Variants in NCAM2 observed in about 807,000 individuals in gnomAD.
NCAM2 encodes neural cell adhesion molecule 2.
A neutral mutation model predicts 98.1 loss-of-function variants in NCAM2; 30 were observed. That is an observed-to-expected ratio of 0.31 (90% CI 0.23 to 0.41). The LOEUF is 0.41. Ranked by LOEUF, NCAM2 falls within the 10% of genes least tolerant of loss-of-function variation. The pLI is 1.00. For missense variants in NCAM2, 867 were observed against 1,005.8 expected (o/e 0.86, Z 1.87); for synonymous variants, 368 against 342.4 (o/e 1.07, Z -0.83).
At chr21:21,445,907 G>C (rs1980057668) in intron 12 of NCAM2, among the ~76,000 whole-genome samples, 1 of 152,120 alleles carries the variant, frequency 6.6e-6, no homozygotes, top group Non-Finnish European at 1.5e-5. Flanking sequence ...CAAACTAGTT[G>C]ATGCAGTTTC....
At chr21:21,488,819 G>A (rs233767) in intron 15 of NCAM2, among the ~76,000 whole-genome samples, 14,956 of 151,714 alleles carry the variant, frequency 0.099, 2,435 homozygotes, top group African/African-American at 0.34. Context: ...GTAGTATTAT[G>A]ATTTCACTCA....
intron 16 of NCAM2, among the ~76,000 whole-genome samples, chr21:21,519,268 G>T (rs1185554355): frequency 6.6e-6 from 1 of 152,138 alleles, no homozygotes; most frequent in Non-Finnish European, 1.5e-5. Context: ...ATTGTGTGAA[G>T]AATGGGTTAT....
chr21:21,278,603 A>G (rs934970583), intron 1 of NCAM2, among the ~76,000 whole-genome samples: 1 of 152,136 alleles, frequency 6.6e-6, no homozygotes, highest in Admixed American at 6.6e-5. Context: ...TTGAGCCTCT[A>G]TAATATCACA....
intron 1 of NCAM2, among the ~76,000 whole-genome samples, chr21:21,277,182 A>C (rs1211978783): frequency 6.6e-6 from 1 of 152,138 alleles, no homozygotes; most frequent in East Asian, 1.9e-4. Flanking sequence ...TTGTCAATAC[A>C]GTCGGTGTTC....
intron 10 of NCAM2, among the ~76,000 whole-genome samples, 171 bp downstream of exon 10, chr21:21,410,632 G>A (rs558638177): frequency 6.6e-6 from 1 of 152,034 alleles, no homozygotes; most frequent in East Asian, 1.9e-4. Context: ...TTAATGATGA[G>A]TGTATGAATG....
At chr21:21,288,256 A>ATG (rs1226681374) in intron 4 of NCAM2, among the ~76,000 whole-genome samples, 1 of 151,936 alleles carries the variant, frequency 6.6e-6, no homozygotes, top group African/African-American at 2.4e-5. Flanking sequence ...GAATCCACGA[A>ATG]TGTGGAATCC....
At chr21:21,327,362 T>C (rs1015630846) in intron 6 of NCAM2, among the ~76,000 whole-genome samples, 3 of 151,162 alleles carry the variant, frequency 2.0e-5, no homozygotes, top group East Asian at 3.9e-4. Context: ...ACACTAGATG[T>C]TTAAGATCAA....
At chr21:21,151,656 A>G (rs2067452128) in intron 1 of NCAM2, among the ~76,000 whole-genome samples, 1 of 151,994 alleles carries the variant, frequency 6.6e-6, no homozygotes, top group African/African-American at 2.4e-5. Flanking sequence ...GATTCTTATT[A>G]TTTGAAATGA....
At chr21:21,402,053 A>G (rs1039107333) in intron 9 of NCAM2, among the ~76,000 whole-genome samples, 2 of 152,192 alleles carry the variant, frequency 1.3e-5, no homozygotes, top group Non-Finnish European at 2.9e-5. Context: ...TAACTGTACA[A>G]ATTGATTGTA....
chr21:21,236,254 G>A lies in NCAM2; in HGVS notation c.56-44324G>A, dbSNP rs551137644. On this transcript the variant is annotated intron_variant, in intron 1 of 17. Transcript: ENST00000400546. ...ATTGATCATAATCATAAATATAATA[G>A]AGTAATTTCTGCTAACTTATAGTTT... Among the ~76,000 whole-genome samples, 4 of 151,974 alleles carry A rather than the reference G, an allele frequency of 2.6e-5. No individual in the cohort carries two copies. In the South Asian group the frequency reaches 8.3e-4, roughly 32 times the overall value.
intron 1 of NCAM2, among the ~76,000 whole-genome samples, chr21:21,001,246 GTTTAC>G (rs1327596586): frequency 6.6e-6 from 1 of 152,166 alleles, no homozygotes; most frequent in Non-Finnish European, 1.5e-5. Flanking sequence ...AGGCCTAATA[GTTTAC>G]TTGTAACTCT....
chr21:21,118,298 C>G (rs929479392), intron 1 of NCAM2, among the ~76,000 whole-genome samples: 1 of 152,106 alleles, frequency 6.6e-6, no homozygotes, highest in African/African-American at 2.4e-5. Context: ...CCTGTCCTAA[C>G]GAGTTATTTA....
chr21:21,452,763 A>G (rs1311213797), intron 12 of NCAM2, among the ~76,000 whole-genome samples: 1 of 100,578 alleles, frequency 9.9e-6, no homozygotes, highest in East Asian at 2.9e-4. Context: ...ATATTACTTT[A>G]TGTATTAAAA....
At chr21:21,345,680 A>G (rs2075168535) in intron 8 of NCAM2, among the ~76,000 whole-genome samples, 1 of 152,158 alleles carries the variant, frequency 6.6e-6, no homozygotes, top group Non-Finnish European at 1.5e-5. Context: ...ATAGAGAAAG[A>G]GATAGGTGTA....
intron 1 of NCAM2, among the ~76,000 whole-genome samples, chr21:21,279,036 A>G (rs1296650796): frequency 6.6e-6 from 1 of 152,168 alleles, no homozygotes; most frequent in Non-Finnish European, 1.5e-5. Flanking sequence ...CCTCATTTAT[A>G]CAACTATTGG....
chr21:21,176,871 A>C (rs918137579), intron 1 of NCAM2, among the ~76,000 whole-genome samples: 4 of 151,908 alleles, frequency 2.6e-5, no homozygotes, highest in Non-Finnish European at 5.9e-5. Flanking sequence ...TGTTGATGGA[A>C]TAGTTAAAAA....
chr21:21,258,847 G>A (rs2071776424), intron 1 of NCAM2, among the ~76,000 whole-genome samples: 1 of 152,108 alleles, frequency 6.6e-6, no homozygotes, highest in African/African-American at 2.4e-5. Context: ...CTGCGGAGCT[G>A]CAGGACCCCT....
At chr21:21,186,955 C>T (rs1267246369) in intron 1 of NCAM2, among the ~76,000 whole-genome samples, 6 of 152,064 alleles carry the variant, frequency 3.9e-5, no homozygotes, top group South Asian at 4.1e-4. Flanking sequence ...TGAGGCTGGG[C>T]GCAGTGGCTT....
rs78278772 is a variant in NCAM2, at chr21:21,186,095, GT to G, written c.56-94475del. Reference sequence around the variant, plus strand: ...GAAGTAACTTTATAATGCATGAGGGGTTTTTTTTGTTGTTAGAGGAGCATTA... The same window carrying G: ...GAAGTAACTTTATAATGCATGAGGGGTTTTTTTGTTGTTAGAGGAGCATTA... On this transcript the variant is annotated intron_variant, in intron 1 of 17. Coordinates refer to ENST00000400546, the MANE Select transcript of NCAM2 (RefSeq NM_004540.5). Among the ~76,000 whole-genome samples the G allele has an allele frequency of 8.4e-4, 128 of 151,658 alleles. 1 individual carries two copies. The highest frequency in any genetic ancestry group is 3.0e-3 in the African/African-American group (124 of 41,348).
Sources: allele counts gnomAD v4.1 joint callset (sites outside exome capture counted in the v4.1 genomes callset), GRCh38; gene constraint gnomAD v4.1.1; transcripts MANE v1.5; gene names NCBI Gene and HGNC (gene_info 2026-07-23, HGNC 2026-07-21).